The following POLDIP3 variants were observed in gnomAD, a reference collection of about 807,000 sequenced individuals.
POLDIP3 encodes DNA polymerase delta interacting protein 3.
Under a neutral mutation model 45.1 loss-of-function variants are expected in POLDIP3, and 14 were observed. That is an observed-to-expected ratio of 0.31 (90% CI 0.20 to 0.49). POLDIP3 has a LOEUF of 0.49. Among genes scored for constraint, POLDIP3 ranks in the 20% least tolerant of loss-of-function variants. The probability of loss-of-function intolerance (pLI) is 0.99; values close to 1 mark genes in which losing one functional copy is unlikely to be tolerated. For synonymous variants in POLDIP3, 223 were observed against 205.2 expected (o/e 1.09, Z -0.74); for missense variants, 511 against 538.8 (o/e 0.95, Z 0.51).
At chr22:42,591,586 G>T (rs1019283852) in intron 7 of POLDIP3, among the ~76,000 whole-genome samples, 15 of 152,202 alleles carry the variant, frequency 9.9e-5, no homozygotes, top group Admixed American at 3.3e-4. Context: ...TCTCACCCAG[G>T]TGTCAACATT....
chr22:42,612,062 C>A (rs573661800), intron 1 of POLDIP3, among the ~76,000 whole-genome samples: 1 of 152,228 alleles, frequency 6.6e-6, no homozygotes, highest in East Asian at 1.9e-4. Context: ...GCATGCACTC[C>A]AGGTTCTTCC....
In POLDIP3 at chr22:42,595,660, G is replaced by A. The variant is rs188572179; in HGVS notation, c.814-46C>T. ...TTACCAGAAGCCAGATGGCTGATAA[G>A]CATTCCCACAACAGAAATTCCTCCA... On this transcript the variant is annotated intron_variant, in intron 5 of 8. Coordinates refer to ENST00000252115, the MANE Select transcript of POLDIP3 (RefSeq NM_032311.5). 5 of 1,552,088 alleles carry A rather than the reference G, an allele frequency of 3.2e-6. No individual in the cohort carries two copies. The African/African-American group carries it at 5.4e-5, about 17-fold the overall frequency.
Position 42,585,588 on chromosome 22 carries a change from G to C in POLDIP3, c.*203C>G, listed in dbSNP as rs1371292416. ...GATGAGATGAAGAAACATACTACAG[G>C]AAACGTTAACGTAGAGAGAAGAGCA... is the stretch of plus-strand genomic sequence containing the variant. On this transcript the variant is annotated 3_prime_UTR_variant, in exon 9 of 9. Coordinates refer to ENST00000252115, the MANE Select transcript of POLDIP3 (RefSeq NM_032311.5). 6 of 600,628 alleles carry C rather than the reference G, an allele frequency of 1.0e-5. No homozygotes were observed. The Admixed American group carries it at 1.9e-4, about 19-fold the overall frequency. 37.2% of individuals were successfully genotyped at this position (600,628 alleles called of 1,614,324 possible). A position where few individuals can be genotyped will look rare whatever the true frequency, so the allele number is the denominator to read the frequency against.
chr22:42,594,511 A>AAAAAC lies in POLDIP3; in HGVS notation c.891+1021_891+1025dup, dbSNP rs527389622. On this transcript the variant is annotated intron_variant, in intron 6 of 8. Coordinates refer to ENST00000252115, the MANE Select transcript of POLDIP3 (RefSeq NM_032311.5). ...GGGTGACAGAGTGAGACTCCATCTCAAAAACAAAACAAAACAAAACAAAAA... is the reference window on the plus strand; with the variant it reads ...GGGTGACAGAGTGAGACTCCATCTCAAAAACAAAACAAAACAAAACAAAACAAAAA... Among the ~76,000 whole-genome samples, 409 of 152,266 alleles carry AAAAAC rather than the reference A, an allele frequency of 2.7e-3. 3 individuals carry two copies. Among genetic ancestry groups the AAAAAC allele is most frequent in the African/African-American group, 9.1e-3 (380 of 41,542 alleles).
intron 4 of POLDIP3, 152 bp from the exon 5 acceptor site, chr22:42,596,517 C>G: frequency 1.3e-6 from 1 of 744,948 alleles, no homozygotes; most frequent in Admixed American, 2.9e-5. Flanking sequence ...AGGCTGCCGG[C>G]TGCCAGTGAC....
intron 1 of POLDIP3, among the ~76,000 whole-genome samples, chr22:42,611,022 C>T (rs1469014306): frequency 6.6e-6 from 1 of 152,188 alleles, no homozygotes; most frequent in African/African-American, 2.4e-5. Context: ...TGGAGATGTG[C>T]TGTGGTGAGG....
chr22:42,614,783 A>G lies in POLDIP3; in HGVS notation c.59+16T>C. The G allele has an allele frequency of 6.2e-7, 1 of 1,613,950 alleles. No individual in the cohort carries two copies. The highest frequency in any genetic ancestry group is 8.5e-7 in the Non-Finnish European group (1 of 1,179,826). On this transcript the variant is annotated intron_variant, in intron 1 of 8. Transcript: ENST00000252115. ...GCCGAGGACCCTAAACCCCGAAGAA[A>G]GGAAAGGCCTCTCACCGTCCTTTCG...
chr22:42,595,737 AT>A, intron 5 of POLDIP3, 123 bp from the exon 6 acceptor site: 1 of 823,946 alleles, frequency 1.2e-6, no homozygotes, highest in Non-Finnish European at 2.0e-6. Context: ...GTTACCACAA[AT>A]GGGCCCCCTG....
chr22:42,614,135 TCA>T (rs1927305061), intron 1 of POLDIP3, among the ~76,000 whole-genome samples: 1 of 152,194 alleles, frequency 6.6e-6, no homozygotes, highest in South Asian at 2.1e-4. Flanking sequence ...AGCCCGCCGC[TCA>T]GTTCTCCGTG....
At chr22:42,602,109 T>A (rs533742607) in intron 2 of POLDIP3, 53 bp from the exon 3 acceptor site, 21 of 1,612,512 alleles carry the variant, frequency 1.3e-5, no homozygotes, top group South Asian at 5.5e-5. Flanking sequence ...ATGCATTCTC[T>A]AGAAGAAGGG....
chr22:42,593,504 C>A (rs543693812), intron 6 of POLDIP3, among the ~76,000 whole-genome samples: 1 of 152,120 alleles, frequency 6.6e-6, no homozygotes, highest in Non-Finnish European at 1.5e-5. Context: ...GTTGTTATTA[C>A]GCTCCTTAAC....
intron 4 of POLDIP3, among the ~76,000 whole-genome samples, chr22:42,598,231 C>T (rs1294230904): frequency 6.7e-6 from 1 of 149,950 alleles, no homozygotes; most frequent in Non-Finnish European, 1.5e-5. Context: ...TGCAGGTGCC[C>T]GCCACCACAC....
chr22:42,591,922 G>C (rs1925689737), intron 7 of POLDIP3, 33 bp downstream of exon 7: 1 of 1,613,390 alleles, frequency 6.2e-7, no homozygotes, highest in Non-Finnish European at 8.5e-7. Context: ...AGATGAGTGG[G>C]AGGGTCAGGG....
At chr22:42,610,911 A>C (rs538330318) in intron 1 of POLDIP3, among the ~76,000 whole-genome samples, 1 of 152,242 alleles carries the variant, frequency 6.6e-6, no homozygotes, top group Admixed American at 6.5e-5. Flanking sequence ...GTCTCAAATA[A>C]ATAAAGGAAA....
chr22:42,589,449 C>T (rs1925531729), intron 7 of POLDIP3, among the ~76,000 whole-genome samples: 1 of 152,024 alleles, frequency 6.6e-6, no homozygotes, highest in South Asian at 2.1e-4. Flanking sequence ...AACATATATG[C>T]AAGTAACAAC....
chr22:42,614,055 C>G (rs1030421892), intron 1 of POLDIP3, among the ~76,000 whole-genome samples: 1 of 152,206 alleles, frequency 6.6e-6, no homozygotes, highest in African/African-American at 2.4e-5. Context: ...AATAACCAAT[C>G]TCCTGCCCAA....
intron 1 of POLDIP3, among the ~76,000 whole-genome samples, chr22:42,609,147 G>C (rs1403583715): frequency 7.2e-5 from 11 of 152,170 alleles, no homozygotes; most frequent in Admixed American, 7.2e-4. Context: ...CAACCCCTGG[G>C]GGGGCCTCGG....
chr22:42,589,977 C>G (rs983860074), intron 7 of POLDIP3, among the ~76,000 whole-genome samples: 1 of 150,768 alleles, frequency 6.6e-6, no homozygotes, highest in African/African-American at 2.4e-5. Flanking sequence ...CACCTAACAA[C>G]AAGAAAATAC....
In POLDIP3 at chr22:42,602,093, G is replaced by A. The variant is rs1022964415; in HGVS notation, c.451-37C>T. On this transcript the variant is annotated intron_variant, in intron 2 of 8. Coordinates refer to ENST00000252115, the MANE Select transcript of POLDIP3 (RefSeq NM_032311.5). Reference sequence around the variant, plus strand: ...CAGTGGTCAGAATCCACCCCACAGGGTCCACATGCATTCTCTAGAAGAAGG... The same window carrying A: ...CAGTGGTCAGAATCCACCCCACAGGATCCACATGCATTCTCTAGAAGAAGG... 15 of 1,613,556 alleles carry A rather than the reference G, an allele frequency of 9.3e-6. 1 individual carries two copies. In the South Asian group the frequency reaches 1.5e-4, roughly 17 times the overall value.
Sources: gnomAD v4.1 joint callset for allele counts (sites outside exome capture counted in the v4.1 genomes callset) on GRCh38, gnomAD v4.1.1 for gene constraint, MANE v1.5 for transcripts, NCBI Gene and HGNC (gene_info 2026-07-23, HGNC 2026-07-21) for gene names.